The following ATP2B1 variants were observed in gnomAD, a reference collection of about 807,000 sequenced individuals.
ATP2B1 encodes the protein ATPase plasma membrane Ca2+ transporting 1.
ATP2B1 carries 14 observed loss-of-function variants against 124.2 expected under a neutral mutation model. The observed-to-expected ratio is 0.11, with a 90% CI of 0.07 to 0.18. The LOEUF is 0.18. Ranked by LOEUF, ATP2B1 falls within the 10% of genes least tolerant of loss-of-function variation. The pLI is 1.00. For missense variants in ATP2B1, 763 were observed against 1,466.1 expected, an observed-to-expected ratio of 0.52 and a Z score of 7.83; for synonymous variants, 449 against 492.4, an observed-to-expected ratio of 0.91 and a Z score of 1.17.
intron 18 of ATP2B1, among the ~76,000 whole-genome samples, 197 bp from the exon 19 acceptor site, chr12:89,601,630 T>C (rs924627864): frequency 3.3e-5 from 5 of 152,126 alleles, no homozygotes; most frequent in Admixed American, 1.3e-4. Context: ...ACTTTGCCTC[T>C]TAGAAAAAAA....
At chr12:89,669,963 G>C (rs969728734) in intron 1 of ATP2B1, among the ~76,000 whole-genome samples, 1 of 152,162 alleles carries the variant, frequency 6.6e-6, no homozygotes, top group Non-Finnish European at 1.5e-5. Flanking sequence ...CTCCAAACCA[G>C]AATGGTCAAC....
At chr12:89,619,603 T>G (rs1879614493) in intron 11 of ATP2B1, among the ~76,000 whole-genome samples, 1 of 128,156 alleles carries the variant, frequency 7.8e-6, no homozygotes, top group South Asian at 2.7e-4. Flanking sequence ...ACAGGGAAAC[T>G]CCACCTTAAA....
intron 1 of ATP2B1, among the ~76,000 whole-genome samples, chr12:89,691,496 C>A (rs2136734792): frequency 6.6e-6 from 1 of 152,154 alleles, no homozygotes; most frequent in South Asian, 2.1e-4. Flanking sequence ...TAAAGACAAA[C>A]CTTTATTAAA....
At chr12:89,643,339 A>G (rs889097767) in intron 2 of ATP2B1, among the ~76,000 whole-genome samples, 1 of 152,050 alleles carries the variant, frequency 6.6e-6, no homozygotes, top group Admixed American at 6.6e-5. Flanking sequence ...GACAACTGTG[A>G]AAGTCTGATT....
chr12:89,627,636 A>T (rs778075345), intron 7 of ATP2B1, 42 bp downstream of exon 7: 1 of 1,599,626 alleles, frequency 6.3e-7, no homozygotes, highest in Non-Finnish European at 8.6e-7. Context: ...TTTTGGATAT[A>T]ATGAAAACAA....
chr12:89,639,446 G>A (rs1420404134), intron 3 of ATP2B1, among the ~76,000 whole-genome samples: 2 of 152,044 alleles, frequency 1.3e-5, no homozygotes, highest in African/African-American at 4.8e-5. Context: ...GGAGGTTGCA[G>A]TGAGCCGAGA....
At chr12:89,669,156 C>T (rs1434167536) in intron 1 of ATP2B1, among the ~76,000 whole-genome samples, 1 of 152,062 alleles carries the variant, frequency 6.6e-6, no homozygotes, top group Non-Finnish European at 1.5e-5. Context: ...ACATTTTCAG[C>T]TTACAGTTTA....
chr12:89,629,510 G>C (rs1392348093), intron 6 of ATP2B1, among the ~76,000 whole-genome samples: 1 of 152,170 alleles, frequency 6.6e-6, no homozygotes, highest in East Asian at 1.9e-4. Context: ...TTGCCACCTG[G>C]ATCTGCGTCC....
At chr12:89,596,060 T>C (rs1198436827) in intron 20 of ATP2B1, among the ~76,000 whole-genome samples, 1 of 152,114 alleles carries the variant, frequency 6.6e-6, no homozygotes, top group African/African-American at 2.4e-5. Context: ...TGCATATATG[T>C]GTCTGCCTGC....
At chr12:89,687,824 A>T (rs959410742) in intron 1 of ATP2B1, among the ~76,000 whole-genome samples, 89 of 152,204 alleles carry the variant, frequency 5.8e-4, no homozygotes, top group Non-Finnish European at 6.8e-4. Context: ...AATATATTTC[A>T]TATATTTATT....
At chr12:89,643,034 C>G (rs748257488) in intron 2 of ATP2B1, among the ~76,000 whole-genome samples, 5 of 147,734 alleles carry the variant, frequency 3.4e-5, no homozygotes, top group Non-Finnish European at 7.5e-5. Flanking sequence ...ATTGCCCCCA[C>G]AAAACTGGGA....
At chr12:89,704,499 A>C (rs1431055757) in intron 1 of ATP2B1, among the ~76,000 whole-genome samples, 1 of 152,194 alleles carries the variant, frequency 6.6e-6, no homozygotes, top group Admixed American at 6.5e-5. Flanking sequence ...ATAAACGTGT[A>C]TAATGAGAAG....
In ATP2B1 at chr12:89,624,164, T is replaced by TG; in HGVS notation, c.1344+18dup. The stretch of plus-strand genomic sequence containing the variant: ...AGGCTTTAAACATAACAACGTCTAC[T>TG]GAACTATTTTCTACTTACTTTGACT... On this transcript the variant is annotated intron_variant, in intron 9 of 20. Coordinates refer to ENST00000428670, the MANE Select transcript of ATP2B1 (RefSeq NM_001366521.1). 6.2e-7 allele frequency: 1 copy of TG among 1,607,902 alleles called. No individual in the cohort carries two copies. Among genetic ancestry groups the TG allele is most frequent in the Non-Finnish European group, 8.5e-7 (1 of 1,174,908 alleles).
intron 20 of ATP2B1, 91 bp from the exon 21 acceptor site, chr12:89,591,386 G>C: frequency 9.0e-6 from 10 of 1,108,218 alleles, no homozygotes; most frequent in South Asian, 6.3e-5. Context: ...CAAACAGCTA[G>C]GTATGAGTGA....
At chr12:89,701,399 G>C (rs1050941504) in intron 1 of ATP2B1, among the ~76,000 whole-genome samples, 1 of 151,970 alleles carries the variant, frequency 6.6e-6, no homozygotes, top group South Asian at 2.1e-4. Flanking sequence ...TAAGATATAG[G>C]GTTCTATATC....
At chr12:89,667,653 G>C (rs546560697) in intron 1 of ATP2B1, among the ~76,000 whole-genome samples, 1 of 152,246 alleles carries the variant, frequency 6.6e-6, no homozygotes, top group African/African-American at 2.4e-5. Flanking sequence ...CTGTCTTCAA[G>C]GAGTTTACAG....
intron 2 of ATP2B1, among the ~76,000 whole-genome samples, chr12:89,647,462 T>C (rs1565868002): frequency 6.6e-6 from 1 of 152,058 alleles, no homozygotes; most frequent in Non-Finnish European, 1.5e-5. Context: ...TACAAGAAAA[T>C]GTAGCATCCC....
Position 89,708,798 on chromosome 12 carries a change from C to G in ATP2B1, c.-424G>C, listed in dbSNP as rs1164639452. On this transcript the variant is annotated 5_prime_UTR_variant, in exon 1 of 21. Transcript: ENST00000428670. ...GGGGCGGCCAAGGAGCCGAGAGGCT[C>G]GGCGTCCACCAGCCGGGGCTCCCTA... is the stretch of plus-strand genomic sequence containing the variant. 2 of 151,842 alleles carry G rather than the reference C, an allele frequency of 1.3e-5. No individual in the cohort carries two copies. The highest frequency in any genetic ancestry group is 2.4e-5 in the African/African-American group (1 of 41,370). The allele number at this position is 151,842 out of a possible 1,614,324, so 9.4% of individuals were successfully genotyped here.
At chr12:89,619,251 A>T (rs1879529545) in intron 11 of ATP2B1, among the ~76,000 whole-genome samples, 1 of 152,214 alleles carries the variant, frequency 6.6e-6, no homozygotes, top group Non-Finnish European at 1.5e-5. Context: ...ATGCTTTGCT[A>T]TTCTAAAAAT....
Sources: gnomAD v4.1 joint callset for allele counts (sites outside exome capture counted in the v4.1 genomes callset) on GRCh38, gnomAD v4.1.1 for gene constraint, MANE v1.5 for transcripts, NCBI Gene and HGNC (gene_info 2026-07-23, HGNC 2026-07-21) for gene names.